UBR3: variants seen among roughly 807,000 people sequenced by gnomAD.
UBR3 encodes the protein ubiquitin protein ligase E3 component n-recognin 3, also known as E3 ubiquitin-protein ligase UBR3.
In UBR3, 85 loss-of-function variants were observed where a neutral mutation model predicts 243.2. The ratio of observed to expected loss-of-function variants is 0.35; its 90% CI spans 0.29 to 0.42. The LOEUF is 0.42. UBR3 is among the 10% of genes least tolerant of loss of function. The probability of loss-of-function intolerance (pLI) is 1.00; values close to 1 mark genes in which losing one functional copy is unlikely to be tolerated. For missense variants in UBR3, 1,686 were observed against 2,300.8 expected, an observed-to-expected ratio of 0.73 and a Z score of 5.47; for synonymous variants, 748 against 799.8, an observed-to-expected ratio of 0.94 and a Z score of 1.09.
chr2:169,859,081 CT>C (rs575814312), intron 1 of UBR3, among the ~76,000 whole-genome samples: 1,219 of 99,704 alleles, frequency 0.012, 6 homozygotes, highest in African/African-American at 0.028. Context: ...CTCACCATGG[CT>C]TTTTTTTTTT....
At chr2:169,880,833 T>TTA (rs1191458826) in intron 5 of UBR3, among the ~76,000 whole-genome samples, 7 of 152,182 alleles carry the variant, frequency 4.6e-5, no homozygotes, top group African/African-American at 1.7e-4. Context: ...TCATTATTTA[T>TTA]CTCCTACTTA....
intron 18 of UBR3, among the ~76,000 whole-genome samples, chr2:169,931,603 G>C (rs2086134555): frequency 6.6e-6 from 1 of 152,030 alleles, no homozygotes; most frequent in African/African-American, 2.4e-5. Context: ...AATTTTGCTA[G>C]AGAGAATGAG....
At chr2:169,957,990 A>T (rs919484069) in intron 23 of UBR3, among the ~76,000 whole-genome samples, 1 of 152,198 alleles carries the variant, frequency 6.6e-6, no homozygotes, top group African/African-American at 2.4e-5. Context: ...AACAGTAAAT[A>T]TGACTATTCC....
chr2:170,021,828 G>C (rs1163350626), intron 30 of UBR3, among the ~76,000 whole-genome samples: 1 of 152,136 alleles, frequency 6.6e-6, no homozygotes, highest in Non-Finnish European at 1.5e-5. Context: ...CTTTCTGAAA[G>C]TGCCATGATT....
intron 32 of UBR3, among the ~76,000 whole-genome samples, chr2:170,050,594 G>A (rs2091194535): frequency 6.6e-6 from 1 of 151,936 alleles, no homozygotes; most frequent in Non-Finnish European, 1.5e-5. Flanking sequence ...AGTTTTTTTT[G>A]TTGTTATTGT....
At chr2:169,893,750 CAG>C (rs1392574513) in intron 6 of UBR3, among the ~76,000 whole-genome samples, 2 of 151,978 alleles carry the variant, frequency 1.3e-5, no homozygotes, top group Non-Finnish European at 2.9e-5. Flanking sequence ...TTTTTAGAGA[CAG>C]GGTTTTGCCA....
At position 169,841,812 on chromosome 2, in the gene UBR3, C is replaced by T. The variant is rs555049586; in HGVS notation, c.545+13760C>T. Reference sequence around the variant, plus strand: ...CCTGCAGCCCGCCATGCCTAAGCCTCCCACCCACTCCATGGGCTCCTGTGC... The same window carrying T: ...CCTGCAGCCCGCCATGCCTAAGCCTTCCACCCACTCCATGGGCTCCTGTGC... On this transcript the variant is annotated intron_variant, in intron 1 of 38. Coordinates refer to ENST00000272793, the MANE Select transcript of UBR3 (RefSeq NM_172070.4). Among the ~76,000 whole-genome samples, 10 of 152,366 alleles carry T rather than the reference C, an allele frequency of 6.6e-5. No homozygotes were observed. The East Asian group carries it at 1.9e-3, about 29-fold the overall frequency.
intron 5 of UBR3, among the ~76,000 whole-genome samples, chr2:169,883,080 C>T: frequency 6.6e-6 from 1 of 152,142 alleles, no homozygotes; most frequent in Non-Finnish European, 1.5e-5. Flanking sequence ...CTTAAAATTA[C>T]CATTTTATTT....
At chr2:170,034,866 C>A (rs1278654847) in intron 31 of UBR3, among the ~76,000 whole-genome samples, 1 of 151,922 alleles carries the variant, frequency 6.6e-6, no homozygotes, top group Admixed American at 6.6e-5. Context: ...TTTGGCCATT[C>A]TAATAGGAAT....
At chr2:169,844,774 G>T (rs182988915) in intron 1 of UBR3, among the ~76,000 whole-genome samples, 1 of 152,308 alleles carries the variant, frequency 6.6e-6, no homozygotes, top group Non-Finnish European at 1.5e-5. Flanking sequence ...GGGATTACAG[G>T]TGGGAGCCAT....
chr2:169,835,090 C>T (rs1372281849), intron 1 of UBR3, among the ~76,000 whole-genome samples: 7 of 151,990 alleles, frequency 4.6e-5, no homozygotes, highest in Admixed American at 2.0e-4. Flanking sequence ...TCCTTGAGAT[C>T]GATGGTTGTG....
chr2:169,832,385 C>A (rs1344758232), intron 1 of UBR3, among the ~76,000 whole-genome samples: 1 of 151,644 alleles, frequency 6.6e-6, no homozygotes, highest in Non-Finnish European at 1.5e-5. Flanking sequence ...CCCGTCTCTA[C>A]TAAAAATACA....
rs114673573 is a variant in UBR3, at chr2:169,844,616, C to T, written c.545+16564C>T. Reference sequence around the variant, plus strand: ...TCAAGCGATTCTTCCTCCTCAGCCTCCCCAGTAGCTGGAACTACAGGTGTG... The same window carrying T: ...TCAAGCGATTCTTCCTCCTCAGCCTTCCCAGTAGCTGGAACTACAGGTGTG... On this transcript the variant is annotated intron_variant, in intron 1 of 38. Transcript: ENST00000272793. Among the ~76,000 whole-genome samples, 866 of 152,014 alleles carry T rather than the reference C, an allele frequency of 5.7e-3. 6 individuals are homozygous for T. Among genetic ancestry groups the T allele is most frequent in the African/African-American group, 0.019 (803 of 41,452 alleles).
chr2:170,001,927 A>G (rs2089719893), intron 27 of UBR3, among the ~76,000 whole-genome samples: 1 of 148,644 alleles, frequency 6.7e-6, no homozygotes, highest in African/African-American at 2.5e-5. Context: ...AAAAAAAAAA[A>G]AAAAAAAAAA....
At chr2:169,855,640 CAT>C (rs1006425781) in intron 1 of UBR3, among the ~76,000 whole-genome samples, 2 of 152,180 alleles carry the variant, frequency 1.3e-5, no homozygotes, top group Non-Finnish European at 2.9e-5. Context: ...GGACACAGCA[CAT>C]GTTTCAGAGA....
rs544861210 is a variant in UBR3, at chr2:170,083,344, A to G, written c.*1501A>G. On this transcript the variant is annotated 3_prime_UTR_variant, in exon 39 of 39. Transcript: ENST00000272793. ...AAGATTACCTATCGTTCTACAATAA[A>G]ATACATGGAAATAGCTTGCTATTTT... is the stretch of plus-strand genomic sequence containing the variant. The G allele has an allele frequency of 1.3e-5, 2 of 152,730 alleles. No homozygotes were observed. The highest frequency in any genetic ancestry group is 2.1e-4 in the South Asian group (1 of 4,820). The allele number at this position is 152,730 out of a possible 1,614,324, so 9.5% of individuals were successfully genotyped here.
intron 8 of UBR3, among the ~76,000 whole-genome samples, chr2:169,901,575 G>A (rs1401441261): frequency 6.6e-6 from 1 of 152,086 alleles, no homozygotes; most frequent in East Asian, 1.9e-4. Context: ...TTATTTTTTA[G>A]CAGCCTCTAT....
intron 29 of UBR3, among the ~76,000 whole-genome samples, chr2:170,011,916 C>T (rs897486010): frequency 6.6e-6 from 1 of 151,896 alleles, no homozygotes; most frequent in African/African-American, 2.4e-5. Context: ...GTTCTTGAAA[C>T]AATGAATGAC....
intron 1 of UBR3, among the ~76,000 whole-genome samples, chr2:169,847,079 C>T (rs2082505071): frequency 8.1e-6 from 1 of 123,708 alleles, no homozygotes; most frequent in African/African-American, 3.1e-5. Context: ...TTTTCTTAAA[C>T]TGTGTGTGTG....
Sources: allele counts gnomAD v4.1 joint callset (sites outside exome capture counted in the v4.1 genomes callset), GRCh38; gene constraint gnomAD v4.1.1; transcripts MANE v1.5; gene names NCBI Gene and HGNC (gene_info 2026-07-23, HGNC 2026-07-21).